The following ATP2B1 variants were observed in gnomAD, a reference collection of about 807,000 sequenced individuals.
The protein encoded by ATP2B1 is plasma membrane calcium-transporting ATPase 1.
Under a neutral mutation model 124.2 loss-of-function variants are expected in ATP2B1, and 14 were observed. The ratio of observed to expected loss-of-function variants is 0.11; its 90% confidence interval spans 0.07 to 0.18. ATP2B1 has a LOEUF of 0.18. Ranked by LOEUF, ATP2B1 falls within the 10% of genes least tolerant of loss-of-function variation. The pLI, the probability that ATP2B1 is intolerant of heterozygous loss-of-function variation, is 1.00. For synonymous variants in ATP2B1, 449 were observed against 492.4 expected, an observed-to-expected ratio of 0.91 and a Z score of 1.17; for missense variants, 763 against 1,466.1, an observed-to-expected ratio of 0.52 and a Z score of 7.83.
At chr12:89,618,247 A>C (rs1251011247) in intron 11 of ATP2B1, among the ~76,000 whole-genome samples, 2 of 152,216 alleles carry the variant, frequency 1.3e-5, no homozygotes, top group Admixed American at 6.5e-5. Context: ...AAAAGTCTCC[A>C]CAACAAAATG....
chr12:89,635,392 G>A lies in ATP2B1; in HGVS notation c.407-141C>T. 5.6e-6 allele frequency: 6 copies of A among 1,070,730 alleles called. No homozygotes were observed. The South Asian group carries it at 1.0e-4, about 19-fold the overall frequency. 66.3% of individuals were successfully genotyped at this position (1,070,730 alleles called of 1,614,324 possible). A position where few individuals can be genotyped will look rare whatever the true frequency, so the allele number is the denominator to read the frequency against. On this transcript the variant is annotated intron_variant, in intron 3 of 20. Coordinates refer to ENST00000428670, the MANE Select transcript of ATP2B1 (RefSeq NM_001366521.1). The stretch of plus-strand genomic sequence containing the variant: ...CAATAAATACTTTATTAAATTCAAA[G>A]TATTCCATAAGAACTCTATGTCACT...
At chr12:89,657,941 C>T (rs1383269822) in intron 1 of ATP2B1, among the ~76,000 whole-genome samples, 1 of 152,142 alleles carries the variant, frequency 6.6e-6, no homozygotes, top group African/African-American at 2.4e-5. Flanking sequence ...TCCTTCCTCC[C>T]ACTTCACAAA....
chr12:89,682,882 CA>C (rs537332330), intron 1 of ATP2B1, among the ~76,000 whole-genome samples: 31 of 152,024 alleles, frequency 2.0e-4, no homozygotes, highest in South Asian at 8.3e-4. Context: ...ACAACATAAG[CA>C]AAGATGAGAC....
rs377147803 is a variant in ATP2B1 at position 89,635,175 on chromosome 12, C to A, written c.483G>T (p.Leu161Phe). 6.2e-7 allele frequency: 1 copy of A among 1,613,732 alleles called. No homozygotes were observed. Among genetic ancestry groups the A allele is most frequent in the Admixed American group, 1.7e-5 (1 of 59,944 alleles). Residue 161 changes from leucine to phenylalanine, a missense_variant, in exon 4 of 21, where the codon TTG becomes TTT. Leu to Phe is a conservative substitution (Grantham distance 22, BLOSUM62 0). Coordinates refer to ENST00000428670, the MANE Select transcript of ATP2B1 (RefSeq NM_001366521.1). ...TGWIEGAAIL[L>F]SVVCVVLVTA... Reference sequence around the variant, plus strand: ...TTACTAACACCACACACACTACAGACAAGAGGATTGCAGCTCCTTCAATCC... The same window carrying A: ...TTACTAACACCACACACACTACAGAAAAGAGGATTGCAGCTCCTTCAATCC...
At chr12:89,671,771 G>GTT (rs34218036) in intron 1 of ATP2B1, among the ~76,000 whole-genome samples, 74,250 of 139,888 alleles carry the variant, frequency 0.53, 20,062 homozygotes, top group Admixed American at 0.6. Context: ...TCCCAAGGCA[G>GTT]TTTTTTTTTT....
intron 1 of ATP2B1, among the ~76,000 whole-genome samples, chr12:89,678,314 C>T (rs1056327380): frequency 1.3e-5 from 2 of 152,074 alleles, no homozygotes; most frequent in Non-Finnish European, 2.9e-5. Context: ...GGCCATTTGG[C>T]CTCCGTTTCA....
chr12:89,640,061 A>G (rs1592826954), intron 3 of ATP2B1, among the ~76,000 whole-genome samples: 1 of 152,166 alleles, frequency 6.6e-6, no homozygotes, highest in African/African-American at 2.4e-5. Context: ...GTATCTATGC[A>G]CCATCATACC....
At position 89,670,929 on chromosome 12, in the gene ATP2B1, A is replaced by G. The variant is rs576020882; in HGVS notation, c.-221-14822T>C. ...GGAACCTGATCACAGGGAAAGAAGT[A>G]TAACAGTTCAGGCCTTATACATTAA... On this transcript the variant is annotated intron_variant, in intron 1 of 20. Coordinates refer to ENST00000428670, the MANE Select transcript of ATP2B1 (RefSeq NM_001366521.1). 5.7e-4 allele frequency among the ~76,000 whole-genome samples: 81 copies of G among 142,936 alleles called. No homozygotes were observed. The South Asian group carries it at 0.015, about 27-fold the overall frequency. The allele number at this position is 142,936 out of a possible 152,430, so 93.8% of individuals were successfully genotyped here. A position where few individuals can be genotyped will look rare whatever the true frequency, so the allele number is the denominator to read the frequency against.
chr12:89,639,233 G>A (rs1285781469), intron 3 of ATP2B1, among the ~76,000 whole-genome samples: 2 of 152,188 alleles, frequency 1.3e-5, no homozygotes, highest in Non-Finnish European at 2.9e-5. Context: ...GCTGGGCACG[G>A]TGGCTCATGC....
intron 1 of ATP2B1, among the ~76,000 whole-genome samples, chr12:89,704,431 T>C (rs1228114220): frequency 6.6e-6 from 1 of 152,124 alleles, no homozygotes; most frequent in East Asian, 1.9e-4. Context: ...TTCATATTTC[T>C]CTATTAAATT....
chr12:89,683,357 C>T (rs1278083694), intron 1 of ATP2B1, among the ~76,000 whole-genome samples: 1 of 152,178 alleles, frequency 6.6e-6, no homozygotes, highest in African/African-American at 2.4e-5. Context: ...ACAGAAGCAA[C>T]ATTATGGGAC....
intron 6 of ATP2B1, 78 bp from the exon 7 acceptor site, chr12:89,627,794 C>T: frequency 6.9e-7 from 1 of 1,442,386 alleles, no homozygotes; most frequent in Non-Finnish European, 9.7e-7. Flanking sequence ...AAGTAGTTCA[C>T]ATTTCTATAA....
Position 89,603,602 on chromosome 12 carries a change from G to T in ATP2B1, c.2848+110C>A. ...AGAAGAAATTAAAGATAAATGGGAAGTCAGGAGTAGAATTTAGGCTCTTGA... is the reference window on the plus strand; with the variant it reads ...AGAAGAAATTAAAGATAAATGGGAATTCAGGAGTAGAATTTAGGCTCTTGA... On this transcript the variant is annotated intron_variant, in intron 17 of 20. Transcript: ENST00000428670. This position sits in a 1 kb window ranked among gnomAD's most constrained non-coding sequence, Gnocchi z 4.3. The T allele has an allele frequency of 9.1e-7, 1 of 1,094,654 alleles. No individual in the cohort carries two copies. Among genetic ancestry groups the T allele is most frequent in the Non-Finnish European group, 1.3e-6 (1 of 759,580 alleles). The allele number at this position is 1,094,654 out of a possible 1,614,324, so 67.8% of individuals were successfully genotyped here.
At chr12:89,606,528 T>TA (rs1202658456) in intron 15 of ATP2B1, among the ~76,000 whole-genome samples, 2 of 151,858 alleles carry the variant, frequency 1.3e-5, no homozygotes, top group African/African-American at 4.8e-5. Context: ...TTTAGAATCT[T>TA]AGTCTCCAGC....
intron 2 of ATP2B1, among the ~76,000 whole-genome samples, chr12:89,647,747 T>C (rs145017839): frequency 2.6e-5 from 4 of 152,264 alleles, no homozygotes; most frequent in Non-Finnish European, 5.9e-5. Context: ...TGATTACAAA[T>C]GTTGGAGGTG....
At chr12:89,677,971 T>TATATATATATATATATATATATAC (rs1461216851) in intron 1 of ATP2B1, among the ~76,000 whole-genome samples, 913 of 51,512 alleles carry the variant, frequency 0.018, 9 homozygotes, top group Non-Finnish European at 0.028. Flanking sequence ...TATATATATA[T>TATATATATATATATATATATATAC]ACACACACAC....
intron 6 of ATP2B1, among the ~76,000 whole-genome samples, chr12:89,628,026 C>A (rs1475751147): frequency 3.3e-5 from 5 of 151,724 alleles, no homozygotes; most frequent in Admixed American, 2.6e-4. Context: ...ACAAATATAA[C>A]CCCAAGAAAG....
chr12:89,653,575 G>A (rs1321529010), intron 2 of ATP2B1, among the ~76,000 whole-genome samples: 1 of 152,096 alleles, frequency 6.6e-6, no homozygotes, highest in Non-Finnish European at 1.5e-5. Flanking sequence ...GGGATTACAG[G>A]CGTGAGCCAC....
At chr12:89,657,418 C>T (rs1343733508) in intron 1 of ATP2B1, among the ~76,000 whole-genome samples, 1 of 152,196 alleles carries the variant, frequency 6.6e-6, no homozygotes, top group Non-Finnish European at 1.5e-5. Flanking sequence ...GATGAAAATG[C>T]AGTCCCACTG....
Sources: gnomAD v4.1 joint callset for allele counts (sites outside exome capture counted in the v4.1 genomes callset) on GRCh38, gnomAD v4.1.1 for gene constraint, Gnocchi (gnomAD v3.1) non-coding constraint, MANE v1.5 for transcripts, NCBI Gene and HGNC (gene_info 2026-07-23, HGNC 2026-07-21) for gene names.